Variants in ABI3BP observed in about 807,000 individuals in gnomAD.
ABI3BP encodes the protein ABI family member 3 binding protein, also known as target of Nesh-SH3.
Under a neutral mutation model 268.6 loss-of-function variants are expected in ABI3BP, and 216 were observed. The ratio of observed to expected loss-of-function variants is 0.80; its 90% confidence interval spans 0.72 to 0.90. ABI3BP has a LOEUF of 0.90. Ranked by LOEUF, ABI3BP falls within the 40% of genes least tolerant of loss-of-function variation. The pLI is 0.00. For synonymous variants in ABI3BP, 730 were observed against 730.0 expected, an observed-to-expected ratio of 1.00 and a Z score of 0.00; for missense variants, 2,090 against 2,182.4, an observed-to-expected ratio of 0.96 and a Z score of 0.84.
At chr3:100,774,942 T>C (rs1207504561) in intron 60 of ABI3BP, among the ~76,000 whole-genome samples, 2 of 152,210 alleles carry the variant, frequency 1.3e-5, no homozygotes, top group Non-Finnish European at 2.9e-5. Flanking sequence ...TTGGTAATAA[T>C]GTGATTTAGT....
chr3:100,757,292 GACCTACTCT>G (rs948860033), intron 63 of ABI3BP, among the ~76,000 whole-genome samples: 1 of 147,418 alleles, frequency 6.8e-6, no homozygotes, highest in Non-Finnish European at 1.5e-5. Context: ...AGATTGAAAA[GACCTACTCT>G]GCCCAGCAAA....
chr3:100,769,590 C>A (rs2096475174), intron 62 of ABI3BP, among the ~76,000 whole-genome samples: 2 of 152,184 alleles, frequency 1.3e-5, no homozygotes, highest in Admixed American at 6.5e-5. Context: ...CATTTAGTTT[C>A]ATGAGAACTA....
chr3:100,800,348 GA>G (rs1042912428), intron 51 of ABI3BP, among the ~76,000 whole-genome samples: 4 of 151,556 alleles, frequency 2.6e-5, no homozygotes, highest in Admixed American at 1.3e-4. Context: ...ATTGTCTAAA[GA>G]AAAAAAATTT....
intron 2 of ABI3BP, among the ~76,000 whole-genome samples, chr3:100,917,912 C>A (rs1291273793): frequency 6.6e-6 from 1 of 152,050 alleles, no homozygotes; most frequent in African/African-American, 2.4e-5. Flanking sequence ...CAATGGCTTT[C>A]TGGTATAAAC....
At chr3:100,979,149 G>A (rs1209012375) in intron 1 of ABI3BP, among the ~76,000 whole-genome samples, 1 of 152,214 alleles carries the variant, frequency 6.6e-6, no homozygotes, top group African/African-American at 2.4e-5. Context: ...TCTAAGAGAT[G>A]ATGATGCTTG....
chr3:100,816,234 C>T, intron 43 of ABI3BP: 1 of 478,742 alleles, frequency 2.1e-6, no homozygotes, highest in Non-Finnish European at 3.7e-6. Flanking sequence ...GGTTTTCTAA[C>T]TAGTATGGAT....
intron 48 of ABI3BP, 37 bp downstream of exon 48, chr3:100,811,193 C>A: frequency 6.6e-7 from 1 of 1,514,716 alleles, no homozygotes; most frequent in Non-Finnish European, 8.8e-7. Flanking sequence ...GCAATGAAGA[C>A]AGAGAGCACC....
chr3:100,774,732 T>A, intron 60 of ABI3BP, 59 bp from the exon 61 acceptor site: 1 of 1,298,870 alleles, frequency 7.7e-7, no homozygotes, highest in Non-Finnish European at 1.1e-6. Context: ...CACAATACAA[T>A]GAAAAAGTTG....
chr3:100,781,799 G>A (rs987144980), intron 57 of ABI3BP, among the ~76,000 whole-genome samples: 1 of 152,098 alleles, frequency 6.6e-6, no homozygotes. Flanking sequence ...TACTGTGCAA[G>A]TGCCTTACAT....
At chr3:100,892,504 G>C (rs1410632347) in intron 4 of ABI3BP, among the ~76,000 whole-genome samples, 1 of 152,194 alleles carries the variant, frequency 6.6e-6, no homozygotes, top group Admixed American at 6.5e-5. Context: ...GCCAATCACA[G>C]TTACCTGGTT....
intron 52 of ABI3BP, 43 bp downstream of exon 52, chr3:100,796,365 GA>G: frequency 7.2e-7 from 1 of 1,392,436 alleles, no homozygotes; most frequent in Non-Finnish European, 9.5e-7. Flanking sequence ...TTTTTTTTTT[GA>G]AAAATATACT....
chr3:100,896,370 C>A (rs1463100255), intron 4 of ABI3BP, among the ~76,000 whole-genome samples: 1 of 152,110 alleles, frequency 6.6e-6, no homozygotes, highest in Non-Finnish European at 1.5e-5. Context: ...CAAACCATGG[C>A]AACATCTATC....
intron 26 of ABI3BP, among the ~76,000 whole-genome samples, chr3:100,837,806 G>A (rs1468015242): frequency 6.6e-6 from 1 of 152,168 alleles, no homozygotes; most frequent in South Asian, 2.1e-4. Flanking sequence ...GTATTTTAGA[G>A]GAAGCTAATC....
In ABI3BP at chr3:100,801,128, A is replaced by ATT. The variant is rs540075827; in HGVS notation, c.3757+3662_3757+3663dup. ...TGCTGAATTGAACATGCATTAGTGCATTTTTTTTTTTAGAGCAAATCTGGA... is the reference window on the plus strand; with the variant it reads ...TGCTGAATTGAACATGCATTAGTGCATTTTTTTTTTTTTAGAGCAAATCTGGA... On this transcript the variant is annotated intron_variant, in intron 51 of 67. Coordinates refer to ENST00000471714, the MANE Select transcript of ABI3BP (RefSeq NM_001375547.2). Among the ~76,000 whole-genome samples, 337 of 145,584 alleles carry ATT rather than the reference A, an allele frequency of 2.3e-3. 4 individuals are homozygous for ATT. The highest frequency in any genetic ancestry group is 7.9e-3 in the African/African-American group (315 of 39,928).
chr3:100,757,594 C>T (rs1280023170), intron 63 of ABI3BP, among the ~76,000 whole-genome samples: 3 of 152,108 alleles, frequency 2.0e-5, no homozygotes, highest in Non-Finnish European at 1.5e-5. Flanking sequence ...ATAACTTTTC[C>T]TCAAGATTTA....
At chr3:100,907,966 A>C (rs1383418132) in intron 2 of ABI3BP, among the ~76,000 whole-genome samples, 8 of 151,954 alleles carry the variant, frequency 5.3e-5, no homozygotes, top group African/African-American at 1.9e-4. Flanking sequence ...AATACAAAAA[A>C]TTAGCCGGGC....
intron 1 of ABI3BP, among the ~76,000 whole-genome samples, chr3:100,987,674 T>G (rs76520855): frequency 3.9e-5 from 6 of 152,212 alleles, no homozygotes; most frequent in Non-Finnish European, 2.9e-5. Flanking sequence ...TAACAGTCAA[T>G]TAAAGATTAT....
rs2097141269 is a variant in ABI3BP, at chr3:100,789,520, A to T, written c.4025-4T>A. Reference sequence around the variant, plus strand: ...GTAGTATAAAATCTGTGTGGCGCTGAAACAGAGGAACACTTTATATTTAAT... The same window carrying T: ...GTAGTATAAAATCTGTGTGGCGCTGTAACAGAGGAACACTTTATATTTAAT... On this transcript the variant is annotated splice_region_variant and splice_polypyrimidine_tract_variant and intron_variant, in intron 55 of 67. Coordinates refer to ENST00000471714, the MANE Select transcript of ABI3BP (RefSeq NM_001375547.2). The T allele has an allele frequency of 6.3e-7, 1 of 1,587,076 alleles. No homozygotes were observed. Among genetic ancestry groups the T allele is most frequent in the Non-Finnish European group, 8.6e-7 (1 of 1,165,348 alleles).
chr3:100,885,838 GT>G (rs1423590397), intron 5 of ABI3BP, among the ~76,000 whole-genome samples: 1 of 151,988 alleles, frequency 6.6e-6, no homozygotes, highest in African/African-American at 2.4e-5. Context: ...ATTGGTACAT[GT>G]TATTGTTTTT....
Sources: gnomAD v4.1 joint callset for allele counts (sites outside exome capture counted in the v4.1 genomes callset) on GRCh38, gnomAD v4.1.1 for gene constraint, MANE v1.5 for transcripts, NCBI Gene and HGNC (gene_info 2026-07-23, HGNC 2026-07-21) for gene names.